Variants in SLC24A3 observed in about 807,000 individuals in gnomAD.
SLC24A3 encodes the protein sodium/potassium/calcium exchanger 3.
A neutral mutation model predicts 75.8 loss-of-function variants in SLC24A3; 28 were observed. The observed-to-expected ratio is 0.37, with a 90% CI of 0.27 to 0.51. The LOEUF is 0.51. SLC24A3 is among the 20% of genes least tolerant of loss of function. SLC24A3 has a pLI of 0.94. For synonymous variants in SLC24A3, 372 were observed against 334.1 expected (o/e 1.11, Z -1.24); for missense variants, 663 against 847.8 (o/e 0.78, Z 2.71).
At chr20:19,234,955 G>T (rs572241573) in intron 1 of SLC24A3, among the ~76,000 whole-genome samples, 2 of 152,182 alleles carry the variant, frequency 1.3e-5, no homozygotes, top group East Asian at 3.9e-4. Flanking sequence ...AATACGGTGT[G>T]ACTGTGTAGA....
chr20:19,441,919 A>G (rs1185439299), intron 2 of SLC24A3, among the ~76,000 whole-genome samples: 4 of 152,010 alleles, frequency 2.6e-5, no homozygotes, highest in African/African-American at 7.3e-5. Context: ...TTTATGTGAC[A>G]TTTCTTCCAG....
At chr20:19,367,687 A>G (rs1442661501) in intron 2 of SLC24A3, among the ~76,000 whole-genome samples, 1 of 152,172 alleles carries the variant, frequency 6.6e-6, no homozygotes, top group African/African-American at 2.4e-5. Flanking sequence ...TAAGGTGGGA[A>G]TGAGCATTAG....
chr20:19,591,784 C>T (rs2031381937), intron 6 of SLC24A3, among the ~76,000 whole-genome samples: 1 of 152,162 alleles, frequency 6.6e-6, no homozygotes, highest in African/African-American at 2.4e-5. Flanking sequence ...TCACTTCCAC[C>T]TCGAATACAC....
At chr20:19,386,603 T>C (rs190441705) in intron 2 of SLC24A3, among the ~76,000 whole-genome samples, 189 of 152,292 alleles carry the variant, frequency 1.2e-3, no homozygotes, top group Non-Finnish European at 2.1e-3. Context: ...TACCTAATTT[T>C]CTGGGAGTTT....
intron 2 of SLC24A3, among the ~76,000 whole-genome samples, chr20:19,481,079 A>T (rs141760673): frequency 6.6e-6 from 1 of 152,314 alleles, no homozygotes; most frequent in East Asian, 1.9e-4. Flanking sequence ...TTTGGAGCAC[A>T]TTCAGGGCAT....
intron 2 of SLC24A3, among the ~76,000 whole-genome samples, chr20:19,428,711 T>C (rs2122448804): frequency 6.6e-6 from 1 of 152,282 alleles, no homozygotes; most frequent in Middle Eastern, 3.4e-3. Context: ...TCTTACCCAC[T>C]CCAGATTCCA....
chr20:19,462,266 G>A (rs995921716), intron 2 of SLC24A3, among the ~76,000 whole-genome samples: 1 of 142,194 alleles, frequency 7.0e-6, no homozygotes, highest in African/African-American at 2.6e-5. Context: ...CAGATGGCGG[G>A]TGGCTTTCTT....
At chr20:19,710,414 G>T (rs1239651870) in intron 15 of SLC24A3, among the ~76,000 whole-genome samples, 1 of 152,218 alleles carries the variant, frequency 6.6e-6, no homozygotes, top group African/African-American at 2.4e-5. Context: ...CTAAATCCCT[G>T]TTGACTTTGG....
intron 1 of SLC24A3, among the ~76,000 whole-genome samples, chr20:19,256,409 G>A (rs1421793105): frequency 2.0e-5 from 3 of 152,084 alleles, no homozygotes; most frequent in Non-Finnish European, 4.4e-5. Flanking sequence ...TTAGATGATG[G>A]TGATGGTTAC....
intron 6 of SLC24A3, among the ~76,000 whole-genome samples, chr20:19,642,588 A>G (rs2032089196): frequency 6.6e-6 from 1 of 152,298 alleles, no homozygotes; most frequent in East Asian, 1.9e-4. Context: ...TCTGCACAAT[A>G]TAAGCACATA....
chr20:19,230,866 G>A (rs1982001725), intron 1 of SLC24A3, among the ~76,000 whole-genome samples: 1 of 152,112 alleles, frequency 6.6e-6, no homozygotes, highest in African/African-American at 2.4e-5. Context: ...AGGGTCATTG[G>A]GTCCTAATGC....
At chr20:19,214,566 A>C (rs1981502752) in intron 1 of SLC24A3, among the ~76,000 whole-genome samples, 1 of 152,124 alleles carries the variant, frequency 6.6e-6, no homozygotes, top group Admixed American at 6.5e-5. Context: ...AGTTCCCACC[A>C]CTTTCAAGAA....
chr20:19,709,160 A>G (rs972571224), intron 15 of SLC24A3, among the ~76,000 whole-genome samples: 11 of 152,298 alleles, frequency 7.2e-5, no homozygotes, highest in African/African-American at 2.2e-4. Context: ...GAATGACTCC[A>G]TCCGAGGGGC....
chr20:19,380,318 G>GT (rs200865475), intron 2 of SLC24A3, among the ~76,000 whole-genome samples: 4,644 of 152,218 alleles, frequency 0.031, 113 homozygotes, highest in Admixed American at 0.049. Flanking sequence ...GAAAAGGAGA[G>GT]TGCGGTGTGA....
chr20:19,569,216 T>A (rs1600284229), intron 3 of SLC24A3, among the ~76,000 whole-genome samples: 1 of 152,212 alleles, frequency 6.6e-6, no homozygotes, highest in Non-Finnish European at 1.5e-5. Flanking sequence ...TTCTGCTTCC[T>A]CCTCTTAACC....
intron 2 of SLC24A3, among the ~76,000 whole-genome samples, chr20:19,352,728 G>A (rs1274577206): frequency 6.6e-6 from 1 of 152,188 alleles, no homozygotes; most frequent in Non-Finnish European, 1.5e-5. Context: ...AACATGTGAA[G>A]TCTCAGCTGT....
At chr20:19,599,355 C>G (rs1457297749) in intron 6 of SLC24A3, among the ~76,000 whole-genome samples, 2 of 151,044 alleles carry the variant, frequency 1.3e-5, no homozygotes, top group Non-Finnish European at 3.0e-5. Context: ...GCGCACCTGG[C>G]GGACTGCGTG....
At chr20:19,474,160 A>G (rs1053878854) in intron 2 of SLC24A3, among the ~76,000 whole-genome samples, 2 of 152,306 alleles carry the variant, frequency 1.3e-5, no homozygotes, top group Admixed American at 1.3e-4. Context: ...ATTTGGTGTC[A>G]GCTACTTCTA....
At chr20:19,655,702 A>C (rs570626702) in intron 7 of SLC24A3, among the ~76,000 whole-genome samples, 9 of 152,298 alleles carry the variant, frequency 5.9e-5, no homozygotes, top group African/African-American at 2.2e-4. Context: ...GAGCTGGGCT[A>C]TGAATCTTCT....
Sources: gnomAD v4.1 joint callset for allele counts (sites outside exome capture counted in the v4.1 genomes callset) on GRCh38, gnomAD v4.1.1 for gene constraint, MANE v1.5 for transcripts, NCBI Gene and HGNC (gene_info 2026-07-23, HGNC 2026-07-21) for gene names.